COL13A1: variants seen among roughly 807,000 people sequenced by gnomAD.
The protein encoded by COL13A1 is collagen alpha-1(XIII) chain.
COL13A1 carries 89 observed loss-of-function variants against 130.9 expected under a neutral mutation model. The ratio of observed to expected loss-of-function variants is 0.68; its 90% CI spans 0.57 to 0.81. The LOEUF is 0.81. Among genes scored for constraint, COL13A1 ranks in the 30% least tolerant of loss-of-function variants. COL13A1 has a pLI of 0.00. For missense variants in COL13A1, 879 were observed against 934.6 expected (o/e 0.94, Z 0.78); for synonymous variants, 402 against 341.6 (o/e 1.18, Z -1.95).
At chr10:69,872,245 T>C (rs371521320) in intron 4 of COL13A1, 35 bp downstream of exon 4, 4 of 1,613,214 alleles carry the variant, frequency 2.5e-6, no homozygotes, top group Non-Finnish European at 3.4e-6. Flanking sequence ...CCTTTGCATC[T>C]CTTTTACGTG....
chr10:69,914,627 A>G (rs1368116676), intron 17 of COL13A1, among the ~76,000 whole-genome samples: 1 of 151,918 alleles, frequency 6.6e-6, no homozygotes, highest in African/African-American at 2.4e-5. Flanking sequence ...ATAGTCAAGG[A>G]CTCCCAAGCT....
intron 1 of COL13A1, 39 bp from the exon 2 acceptor site, chr10:69,822,330 G>C: frequency 6.6e-7 from 1 of 1,506,446 alleles, no homozygotes; most frequent in Non-Finnish European, 8.9e-7. Context: ...TGGTGTCTAC[G>C]AGCTCCTGGT....
intron 40 of COL13A1, among the ~76,000 whole-genome samples, chr10:69,957,461 C>T (rs77747393): frequency 0.032 from 4,859 of 152,260 alleles, 122 homozygotes; most frequent in Non-Finnish European, 0.048. Context: ...ACTGTGCCTC[C>T]CCTAGGGGCT....
At position 69,878,076 on chromosome 10, in the gene COL13A1, A is replaced by G. The variant is rs41277952; in HGVS notation, c.462+11A>G. 0.12 allele frequency: 81,684 copies of G among 702,334 alleles called. 6,221 individuals are homozygous for G. Among genetic ancestry groups the G allele is most frequent in the African/African-American group, 0.29 (16,298 of 57,130 alleles). The allele number at this position is 702,334 out of a possible 1,614,324, so 43.5% of individuals were successfully genotyped here. Reference sequence around the variant, plus strand: ...CAACCAGGCGAGAAGGTGAGTCCACACTTTCCCCTTCTGCCCTGCACCCAG... The same window carrying G: ...CAACCAGGCGAGAAGGTGAGTCCACGCTTTCCCCTTCTGCCCTGCACCCAG... On this transcript the variant is annotated intron_variant, in intron 6 of 40. Coordinates refer to ENST00000645393, the MANE Select transcript of COL13A1 (RefSeq NM_001368882.1).
chr10:69,897,670 C>A (rs573840548), intron 13 of COL13A1: 1 of 979,522 alleles, frequency 1.0e-6, no homozygotes, highest in East Asian at 2.7e-5. Flanking sequence ...AAGAAGGCAG[C>A]AGCTGTGACC....
chr10:69,887,633 TGGACACCAACTCA>T lies in COL13A1; in HGVS notation c.549+148_549+160del, dbSNP rs2060730554. The T allele has an allele frequency of 4.8e-6, 4 of 833,872 alleles. No homozygotes were observed. In the East Asian group the frequency reaches 1.1e-4, roughly 22 times the overall value. 51.7% of individuals were successfully genotyped at this position (833,872 alleles called of 1,614,324 possible). A position where few individuals can be genotyped will look rare whatever the true frequency, so the allele number is the denominator to read the frequency against. ...AAGGACTTGCTTCTACAGCCATTCA[TGGACACCAACTCA>T]GGACAGTAGCTCAGCAGTCAGGTCA... On this transcript the variant is annotated intron_variant, in intron 8 of 40. Transcript: ENST00000645393.
At chr10:69,850,827 G>C (rs1564841687) in intron 2 of COL13A1, among the ~76,000 whole-genome samples, 1 of 152,258 alleles carries the variant, frequency 6.6e-6, no homozygotes, top group African/African-American at 2.4e-5. Flanking sequence ...TTCTGGAACG[G>C]GGATGGCCCC....
intron 39 of COL13A1, 111 bp downstream of exon 39, chr10:69,953,079 G>C (rs2069912745): frequency 4.1e-6 from 3 of 722,924 alleles, no homozygotes; most frequent in African/African-American, 1.9e-5. Context: ...CTACACGGAT[G>C]CTACCAAAAT....
chr10:69,893,790 G>A (rs2061404320), intron 10 of COL13A1, among the ~76,000 whole-genome samples: 1 of 152,182 alleles, frequency 6.6e-6, no homozygotes, highest in South Asian at 2.1e-4. Context: ...GAGCTGGAGT[G>A]GACACAAGCA....
intron 2 of COL13A1, among the ~76,000 whole-genome samples, chr10:69,840,492 G>A (rs1426812403): frequency 6.6e-6 from 1 of 152,196 alleles, no homozygotes; most frequent in African/African-American, 2.4e-5. Context: ...GGGGCCCTCT[G>A]GAGTCAGATG....
intron 34 of COL13A1, among the ~76,000 whole-genome samples, chr10:69,938,049 G>A (rs1029439339): frequency 1.3e-5 from 2 of 152,252 alleles, no homozygotes; most frequent in Admixed American, 1.3e-4. Flanking sequence ...AGCTTGGAGG[G>A]TTTGGAAGTA....
chr10:69,863,843 G>A lies in COL13A1; in HGVS notation c.365-3955G>A, dbSNP rs117391413. Among the ~76,000 whole-genome samples, 21 of 152,304 alleles carry A rather than the reference G, an allele frequency of 1.4e-4. No homozygotes were observed. The East Asian group carries it at 3.7e-3, about 27-fold the overall frequency. On this transcript the variant is annotated intron_variant, in intron 2 of 40. Coordinates refer to ENST00000645393, the MANE Select transcript of COL13A1 (RefSeq NM_001368882.1). The stretch of plus-strand genomic sequence containing the variant: ...TATAATCCCAGCACTTTGGGAGCCC[G>A]AGGCAGGCAGATAGCTTGAGCTCAG...
At chr10:69,845,090 C>T (rs989768236) in intron 2 of COL13A1, among the ~76,000 whole-genome samples, 2 of 152,194 alleles carry the variant, frequency 1.3e-5, no homozygotes, top group Non-Finnish European at 2.9e-5. Context: ...TCCAGACCTG[C>T]CTTGCTTGAC....
intron 39 of COL13A1, chr10:69,956,700 A>G (rs1169260107): frequency 2.1e-5 from 7 of 339,164 alleles, no homozygotes; most frequent in Non-Finnish European, 3.4e-5. Flanking sequence ...ATAGGGCCAC[A>G]GCAGAGACTG....
chr10:69,955,633 C>G (rs1381177070), intron 39 of COL13A1: 3 of 152,286 alleles, frequency 2.0e-5, no homozygotes, highest in Non-Finnish European at 2.9e-5. Flanking sequence ...CATACCGCAC[C>G]GTGGCAGGCT....
intron 10 of COL13A1, 29 bp from the exon 11 acceptor site, chr10:69,894,523 A>T: frequency 6.2e-7 from 1 of 1,613,256 alleles, no homozygotes; most frequent in Non-Finnish European, 8.5e-7. Flanking sequence ...CTGTCTGCCC[A>T]CTGACCTGTG....
chr10:69,952,331 G>A (rs1367412194), intron 38 of COL13A1, among the ~76,000 whole-genome samples: 1 of 152,064 alleles, frequency 6.6e-6, no homozygotes, highest in Non-Finnish European at 1.5e-5. Flanking sequence ...ATATACACAA[G>A]CACATACCTG....
At chr10:69,905,638 G>T (rs1197082645) in intron 16 of COL13A1, 149 bp from the exon 17 acceptor site, 2 of 816,794 alleles carry the variant, frequency 2.4e-6, no homozygotes, top group Admixed American at 2.0e-5. Flanking sequence ...AAGAGCTATT[G>T]CTCCTGGGAA....
At chr10:69,907,612 A>C (rs1295171857) in intron 17 of COL13A1, among the ~76,000 whole-genome samples, 3 of 152,084 alleles carry the variant, frequency 2.0e-5, no homozygotes, top group African/African-American at 7.2e-5. Context: ...ACCCACTTCC[A>C]TGATAACTAA....
Sources: gnomAD v4.1 joint callset for allele counts (sites outside exome capture counted in the v4.1 genomes callset) on GRCh38, gnomAD v4.1.1 for gene constraint, MANE v1.5 for transcripts, NCBI Gene and HGNC (gene_info 2026-07-23, HGNC 2026-07-21) for gene names.